Variants in PADI3 observed in about 807,000 individuals in gnomAD.
PADI3 encodes the protein peptidyl arginine deiminase 3, also known as protein-arginine deiminase type-3.
Under a neutral mutation model 71.5 loss-of-function variants are expected in PADI3, and 53 were observed. The ratio of observed to expected loss-of-function variants is 0.74; its 90% CI spans 0.59 to 0.93. The LOEUF (loss-of-function observed/expected upper bound fraction) is 0.93. Among genes scored for constraint, PADI3 ranks in the 40% least tolerant of loss-of-function variants. The pLI is 0.00. For synonymous variants in PADI3, 361 were observed against 347.5 expected, an observed-to-expected ratio of 1.04 and a Z score of -0.43; for missense variants, 821 against 868.0, an observed-to-expected ratio of 0.95 and a Z score of 0.68.
At chr1:17,271,040 G>A in intron 8 of PADI3, 27 bp from the exon 9 acceptor site, 1 of 1,613,784 alleles carries the variant, frequency 6.2e-7, no homozygotes, top group South Asian at 1.1e-5. Flanking sequence ...TCCATCCTGA[G>A]CCCCTCTTCC....
Position 17,249,300 on chromosome 1 carries a change from T to G in PADI3, c.92+71T>G. 3.1e-6 allele frequency: 4 copies of G among 1,271,416 alleles called. No individual in the cohort carries two copies. The South Asian group carries it at 4.7e-5, about 15-fold the overall frequency. The allele number at this position is 1,271,416 out of a possible 1,614,324, so 78.8% of individuals were successfully genotyped here. A position where few individuals can be genotyped will look rare whatever the true frequency, so the allele number is the denominator to read the frequency against. On this transcript the variant is annotated intron_variant, in intron 1 of 15. Coordinates refer to ENST00000375460, the MANE Select transcript of PADI3 (RefSeq NM_016233.2). ...CCCTTGGACCTTCCTCCCTGCAGGCTGGGCAGGGCTTCTTCAGGGCCCACT... is the reference window on the plus strand; with the variant it reads ...CCCTTGGACCTTCCTCCCTGCAGGCGGGGCAGGGCTTCTTCAGGGCCCACT...
chr1:17,282,684 G>A (rs892517488), intron 15 of PADI3, among the ~76,000 whole-genome samples, 162 bp from the exon 16 acceptor site: 2 of 152,212 alleles, frequency 1.3e-5, no homozygotes, highest in African/African-American at 2.4e-5. Context: ...CTGGCTAACC[G>A]GTTCTTCCCA....
At chr1:17,281,449 TC>T (rs1438985023) in intron 15 of PADI3, among the ~76,000 whole-genome samples, 454 of 22,596 alleles carry the variant, frequency 0.02, 2 homozygotes, top group African/African-American at 0.037. Flanking sequence ...TTTCTTTTTT[TC>T]TTTTTTTTTT....
intron 15 of PADI3, 86 bp from the exon 16 acceptor site, chr1:17,282,760 A>G (rs890259404): frequency 1.1e-5 from 11 of 1,020,494 alleles, no homozygotes; most frequent in African/African-American, 1.6e-5. Context: ...AAGGCTGTCT[A>G]AAACACAAAC....
rs2073108233 is a variant in PADI3 at position 17,262,036 on chromosome 1, G to C, written c.274-97G>C. ...GGTTAAAGAAAGAGCAAGGTTCCTT[G>C]GGCCCCCTCCCCTCCTTACCAGATC... is the stretch of plus-strand genomic sequence containing the variant. On this transcript the variant is annotated intron_variant, in intron 2 of 15. Transcript: ENST00000375460. 3 of 1,026,002 alleles carry C rather than the reference G, an allele frequency of 2.9e-6. No homozygotes were observed. In the Admixed American group the frequency reaches 6.2e-5, roughly 21 times the overall value. The allele number at this position is 1,026,002 out of a possible 1,614,324, so 63.6% of individuals were successfully genotyped here.
chr1:17,280,899 C>G, intron 15 of PADI3, 103 bp downstream of exon 15: 1 of 1,422,520 alleles, frequency 7.0e-7, no homozygotes, highest in Non-Finnish European at 9.6e-7. Flanking sequence ...ATTGTGGTGG[C>G]CAGTGGGGGT....
At chr1:17,274,964 C>G (rs960968095) in intron 11 of PADI3, among the ~76,000 whole-genome samples, 178 bp downstream of exon 11, 12 of 152,060 alleles carry the variant, frequency 7.9e-5, no homozygotes, top group African/African-American at 2.9e-4. Context: ...TCCACACTTA[C>G]CTCGGGGACT....
Position 17,259,600 on chromosome 1 carries a change from A to T in PADI3, c.115A>T (p.Met39Leu). The T allele has an allele frequency of 6.2e-7, 1 of 1,610,414 alleles. No individual in the cohort carries two copies. Among genetic ancestry groups the T allele is most frequent in the Non-Finnish European group, 8.5e-7 (1 of 1,177,774 alleles). The stretch of plus-strand genomic sequence containing the variant: ...CAGGTCAGTGCCTGAGGGCACAGAA[A>T]TGTTTGAGGTCTATGGGACGCCTGG... The part of the protein sequence containing the change: ...IYGSVPEGTE[M>L]FEVYGTPGVD... Residue 39 changes from methionine (M) to leucine (L), a missense_variant, in exon 2 of 16, where the codon ATG (methionine) becomes TTG (leucine). Coordinates refer to ENST00000375460, the MANE Select transcript of PADI3 (RefSeq NM_016233.2).
Position 17,249,334 on chromosome 1 carries a change from T to C in PADI3, c.92+105T>C, listed in dbSNP as rs1008783349. On this transcript the variant is annotated intron_variant, in intron 1 of 15. Coordinates refer to ENST00000375460, the MANE Select transcript of PADI3 (RefSeq NM_016233.2). The stretch of plus-strand genomic sequence containing the variant: ...CTTCTTCAGGGCCCACTCCCCAGCC[T>C]TGGCCTCGGAACAGCAGCCAATCAG... 8 of 920,430 alleles carry C rather than the reference T, an allele frequency of 8.7e-6. No homozygotes were observed. The African/African-American group carries it at 1.3e-4, about 15-fold the overall frequency. The allele number at this position is 920,430 out of a possible 1,614,324, so 57.0% of individuals were successfully genotyped here.
intron 6 of PADI3, among the ~76,000 whole-genome samples, chr1:17,268,927 C>T (rs985881738): frequency 1.3e-5 from 2 of 148,402 alleles, no homozygotes; most frequent in Non-Finnish European, 3.0e-5. Flanking sequence ...GCTCTGTTGC[C>T]CGGGCTGGAG....
chr1:17,268,082 G>T, intron 6 of PADI3, 120 bp downstream of exon 6: 1 of 1,171,886 alleles, frequency 8.5e-7, no homozygotes, highest in Non-Finnish European at 1.2e-6. Flanking sequence ...GAGATGCCCT[G>T]GTGGGTGGCG....
intron 11 of PADI3, among the ~76,000 whole-genome samples, chr1:17,275,669 T>A (rs1174211507): frequency 6.6e-6 from 1 of 152,190 alleles, no homozygotes; most frequent in Non-Finnish European, 1.5e-5. Context: ...GGGGTGCTGA[T>A]GGAAAAGGAA....
chr1:17,275,865 AT>A, intron 11 of PADI3, among the ~76,000 whole-genome samples: 1 of 152,290 alleles, frequency 6.6e-6, no homozygotes, highest in East Asian at 1.9e-4. Flanking sequence ...CCTTAGATAC[AT>A]TTTCGTAAAA....
At chr1:17,258,334 C>T (rs867832316) in intron 1 of PADI3, among the ~76,000 whole-genome samples, 4 of 152,208 alleles carry the variant, frequency 2.6e-5, no homozygotes, top group African/African-American at 9.7e-5. Context: ...AGCTCCCCAG[C>T]GGGATCAACA....
chr1:17,259,192 C>A (rs1024598682), intron 1 of PADI3, among the ~76,000 whole-genome samples: 1 of 152,212 alleles, frequency 6.6e-6, no homozygotes, highest in African/African-American at 2.4e-5. Context: ...GCCTCAGCCT[C>A]CCCAGTAGCT....
chr1:17,274,229 C>T (rs1029700600), intron 10 of PADI3, among the ~76,000 whole-genome samples: 1 of 136,906 alleles, frequency 7.3e-6, no homozygotes, highest in Non-Finnish European at 1.6e-5. Flanking sequence ...GACAGAGGCC[C>T]AGAGGGCCAT....
intron 2 of PADI3, 56 bp from the exon 3 acceptor site, chr1:17,262,077 T>C: frequency 4.5e-5 from 68 of 1,506,474 alleles, no homozygotes; most frequent in Non-Finnish European, 6.3e-5. Context: ...GAGCTATCTT[T>C]TGGGGCGGGA....
At chr1:17,269,761 G>T (rs2073221110) in intron 6 of PADI3, among the ~76,000 whole-genome samples, 1 of 152,010 alleles carries the variant, frequency 6.6e-6, no homozygotes, top group Admixed American at 6.6e-5. Context: ...GGGATTATAG[G>T]TGTGCACCAC....
rs2073422864 is a variant in PADI3, at chr1:17,283,174, C to A, written c.*95C>A. On this transcript the variant is annotated 3_prime_UTR_variant, in exon 16 of 16. Transcript: ENST00000375460. ...CCCCTGAACGATAAGCACCAAGAGACCCCAAGGCTCCAGATGGAACACTGA... is the reference window on the plus strand; with the variant it reads ...CCCCTGAACGATAAGCACCAAGAGAACCCAAGGCTCCAGATGGAACACTGA... The A allele has an allele frequency of 1.1e-6, 1 of 917,974 alleles. No homozygotes were observed. Among genetic ancestry groups the A allele is most frequent in the East Asian group, 2.5e-5 (1 of 39,670 alleles). 56.9% of individuals were successfully genotyped at this position (917,974 alleles called of 1,614,324 possible).
Sources: allele counts gnomAD v4.1 joint callset (sites outside exome capture counted in the v4.1 genomes callset), GRCh38; gene constraint gnomAD v4.1.1; transcripts MANE v1.5; gene names NCBI Gene and HGNC (gene_info 2026-07-23, HGNC 2026-07-21).